The following NALF1 variants were observed in gnomAD, a reference collection of about 807,000 sequenced individuals.
NALF1 encodes the protein NALCN channel auxiliary factor 1.
In NALF1, 3 loss-of-function variants were observed where a neutral mutation model predicts 48.4. The observed-to-expected ratio is 0.06, with a 90% CI of 0.03 to 0.16. The LOEUF (loss-of-function observed/expected upper bound fraction) is 0.16. Ranked by LOEUF, NALF1 falls within the 10% of genes least tolerant of loss-of-function variation. The pLI is 1.00. For synonymous variants in NALF1, 262 were observed against 245.7 expected (o/e 1.07, Z -0.62); for missense variants, 526 against 571.5 (o/e 0.92, Z 0.81).
chr13:107,813,044 C>T (rs1879046385), intron 1 of NALF1, among the ~76,000 whole-genome samples: 1 of 152,122 alleles, frequency 6.6e-6, no homozygotes, highest in African/African-American at 2.4e-5. Context: ...GTGTGAGCAC[C>T]ACGCCTGGAT....
At chr13:107,475,717 G>A (rs539590497) in intron 1 of NALF1, among the ~76,000 whole-genome samples, 2 of 152,064 alleles carry the variant, frequency 1.3e-5, no homozygotes, top group African/African-American at 2.4e-5. Flanking sequence ...AACTACTAAA[G>A]AAATTCTCAG....
intron 1 of NALF1, among the ~76,000 whole-genome samples, chr13:107,429,151 C>T (rs1267422194): frequency 6.6e-6 from 1 of 151,788 alleles, no homozygotes; most frequent in Non-Finnish European, 1.5e-5. Flanking sequence ...GGTGAAACCC[C>T]CCTCTCTACT....
intron 1 of NALF1, among the ~76,000 whole-genome samples, chr13:107,231,146 CA>C (rs1880215420): frequency 6.7e-6 from 1 of 150,184 alleles, no homozygotes; most frequent in African/African-American, 2.5e-5. Context: ...TATAATTTAC[CA>C]AAGGAAAGTA....
Position 107,372,511 on chromosome 13 carries a change from A to T in NALF1, c.916-161756T>A, listed in dbSNP as rs549606831. 2.6e-5 allele frequency among the ~76,000 whole-genome samples: 4 copies of T among 152,370 alleles called. No individual in the cohort carries two copies. The East Asian group carries it at 7.7e-4, about 29-fold the overall frequency. On this transcript the variant is annotated intron_variant, in intron 1 of 2. Transcript: ENST00000375915. ...AGGCACTATACTCATTTGCAAATTAAGTTCTGCCCTCTAGGCATTTGAAAT... is the reference window on the plus strand; with the variant it reads ...AGGCACTATACTCATTTGCAAATTATGTTCTGCCCTCTAGGCATTTGAAAT...
intron 1 of NALF1, among the ~76,000 whole-genome samples, chr13:107,673,293 A>C (rs1200859373): frequency 6.6e-6 from 1 of 152,172 alleles, no homozygotes; most frequent in African/African-American, 2.4e-5. Flanking sequence ...AGAGGAAAAT[A>C]AACAACCACA....
chr13:107,222,440 A>G (rs1594077166), intron 1 of NALF1, among the ~76,000 whole-genome samples: 1 of 152,204 alleles, frequency 6.6e-6, no homozygotes, highest in East Asian at 1.9e-4. Context: ...TAATGTGTAC[A>G]TTATACAACA....
intron 1 of NALF1, among the ~76,000 whole-genome samples, chr13:107,767,201 A>C (rs979121023): frequency 6.6e-6 from 1 of 152,190 alleles, no homozygotes; most frequent in Non-Finnish European, 1.5e-5. Flanking sequence ...ACAACATTGA[A>C]ATCTACAACA....
At chr13:107,579,047 T>C (rs1379146538) in intron 1 of NALF1, among the ~76,000 whole-genome samples, 1 of 152,138 alleles carries the variant, frequency 6.6e-6, no homozygotes, top group African/African-American at 2.4e-5. Flanking sequence ...AACCCTAAGT[T>C]TTCTCCATGC....
At chr13:107,306,544 G>A (rs1037083428) in intron 1 of NALF1, among the ~76,000 whole-genome samples, 3 of 152,132 alleles carry the variant, frequency 2.0e-5, no homozygotes, top group Non-Finnish European at 4.4e-5. Flanking sequence ...CTCCGATCAT[G>A]TTCTATCAAC....
intron 1 of NALF1, among the ~76,000 whole-genome samples, chr13:107,598,977 C>T (rs1412355546): frequency 6.6e-6 from 1 of 152,120 alleles, no homozygotes; most frequent in Non-Finnish European, 1.5e-5. Context: ...ACATAATGCT[C>T]AATAAACATT....
At chr13:107,286,157 G>A (rs1180432614) in intron 1 of NALF1, among the ~76,000 whole-genome samples, 1 of 152,156 alleles carries the variant, frequency 6.6e-6, no homozygotes. Context: ...GTACATTGTT[G>A]GTGGGAATAT....
intron 1 of NALF1, among the ~76,000 whole-genome samples, chr13:107,690,999 C>A (rs1475468445): frequency 6.6e-6 from 1 of 152,100 alleles, no homozygotes; most frequent in Non-Finnish European, 1.5e-5. Context: ...TGTTGAAGAA[C>A]CTCAGAACTT....
At chr13:107,203,896 C>T (rs1396819287) in intron 2 of NALF1, among the ~76,000 whole-genome samples, 1 of 152,090 alleles carries the variant, frequency 6.6e-6, no homozygotes, top group Non-Finnish European at 1.5e-5. Context: ...TGAGCAAGCT[C>T]ATGCAGGGCC....
At chr13:107,186,314 A>AT (rs1329904010) in intron 2 of NALF1, among the ~76,000 whole-genome samples, 1 of 151,926 alleles carries the variant, frequency 6.6e-6, no homozygotes, top group Non-Finnish European at 1.5e-5. Context: ...GCTCCACTAA[A>AT]TTTTTCCAAC....
intron 2 of NALF1, among the ~76,000 whole-genome samples, chr13:107,191,369 A>T (rs1879276667): frequency 6.6e-6 from 1 of 152,210 alleles, no homozygotes; most frequent in South Asian, 2.1e-4. Flanking sequence ...TACTTGAAAG[A>T]CCTAGAAAAT....
In NALF1 at chr13:107,592,460, C is replaced by T. The variant is rs1314566603; in HGVS notation, c.915+273222G>A. Reference sequence around the variant, plus strand: ...GAGTTTTATTAAAAGTATGGTTTGTCCTTTGACATTATTTACACCATTGCT... The same window carrying T: ...GAGTTTTATTAAAAGTATGGTTTGTTCTTTGACATTATTTACACCATTGCT... On this transcript the variant is annotated intron_variant, in intron 1 of 2. Coordinates refer to ENST00000375915, the MANE Select transcript of NALF1 (RefSeq NM_001080396.3). Among the ~76,000 whole-genome samples, 3 of 151,702 alleles carry T rather than the reference C, an allele frequency of 2.0e-5. 1 individual carries two copies. In the East Asian group the frequency reaches 5.8e-4, roughly 29 times the overall value.
chr13:107,228,248 CA>C (rs1880146179), intron 1 of NALF1, among the ~76,000 whole-genome samples: 1 of 152,170 alleles, frequency 6.6e-6, no homozygotes, highest in African/African-American at 2.4e-5. Flanking sequence ...ATTCTACTGA[CA>C]TAGTCATCTT....
chr13:107,669,900 T>C (rs561906274), intron 1 of NALF1, among the ~76,000 whole-genome samples: 1 of 152,212 alleles, frequency 6.6e-6, no homozygotes, highest in Admixed American at 6.6e-5. Context: ...CGGAATTATA[T>C]GGATAATGAT....
intron 1 of NALF1, among the ~76,000 whole-genome samples, chr13:107,279,047 T>C (rs1594101657): frequency 1.3e-5 from 2 of 148,450 alleles, no homozygotes; most frequent in East Asian, 2.0e-4. Flanking sequence ...TTTCTTCTTT[T>C]TTTTTTTTTT....
Sources: allele counts gnomAD v4.1 joint callset (sites outside exome capture counted in the v4.1 genomes callset), GRCh38; gene constraint gnomAD v4.1.1; transcripts MANE v1.5; gene names NCBI Gene and HGNC (gene_info 2026-07-23, HGNC 2026-07-21).